MGMT: variants seen among roughly 807,000 people sequenced by gnomAD.
The protein encoded by MGMT is O-6-methylguanine-DNA methyltransferase, also known as methylated-DNA--protein-cysteine methyltransferase.
MGMT carries 14 observed loss-of-function variants against 15.9 expected under a neutral mutation model. The observed-to-expected ratio is 0.88, with a 90% CI of 0.58 to 1.37. MGMT has a LOEUF of 1.37. Ranked by LOEUF, MGMT falls within the 40% of genes most tolerant of loss-of-function variation. The pLI is 0.00. For missense variants in MGMT, 282 were observed against 268.1 expected, an observed-to-expected ratio of 1.05 and a Z score of -0.36; for synonymous variants, 130 against 118.2, an observed-to-expected ratio of 1.10 and a Z score of -0.65.
intron 2 of MGMT, among the ~76,000 whole-genome samples, chr10:129,560,705 A>G (rs1846266483): frequency 6.6e-6 from 1 of 152,232 alleles, no homozygotes; most frequent in South Asian, 2.1e-4. Flanking sequence ...ATTATTAAGC[A>G]GTTAACCAGT....
At chr10:129,657,729 C>CACCCACACACACACA (rs1564750921) in intron 2 of MGMT, among the ~76,000 whole-genome samples, 1 of 122,292 alleles carries the variant, frequency 8.2e-6, no homozygotes, top group Non-Finnish European at 1.7e-5. Flanking sequence ...ACACACACAC[C>CACCCACACACACACA]CCCTCTCCCC....
chr10:129,689,121 G>C (rs1311511689), intron 2 of MGMT, among the ~76,000 whole-genome samples: 1 of 151,984 alleles, frequency 6.6e-6, no homozygotes, highest in Admixed American at 6.6e-5. Flanking sequence ...GTAGAGATGG[G>C]GTTTAGCCAC....
At chr10:129,594,556 C>T (rs1364274021) in intron 2 of MGMT, among the ~76,000 whole-genome samples, 2 of 152,140 alleles carry the variant, frequency 1.3e-5, no homozygotes, top group Non-Finnish European at 2.9e-5. Flanking sequence ...TTTCAAAGGG[C>T]TTTGGATGGA....
chr10:129,562,823 A>G (rs1589867909), intron 2 of MGMT, among the ~76,000 whole-genome samples: 1 of 152,246 alleles, frequency 6.6e-6, no homozygotes, highest in Non-Finnish European at 1.5e-5. Flanking sequence ...AGGAATAAAT[A>G]GGAACACACA....
chr10:129,759,334 G>A lies in MGMT; in HGVS notation c.407G>A (p.Gly136Asp). 6.2e-7 allele frequency: 1 copy of A among 1,614,188 alleles called. No homozygotes were observed. The highest frequency in any genetic ancestry group is 1.1e-5 in the South Asian group (1 of 91,086). Residue 136 changes from glycine to aspartate, a missense_variant, in exon 4 of 5, where the codon GGC becomes GAC. Gly to Asp is a moderately conservative substitution (Grantham distance 94). Coordinates refer to ENST00000651593, the MANE Select transcript of MGMT (RefSeq NM_002412.5). ...AARAVGGAMRGNPVPILIPCH... is the reference protein window; with the variant it reads ...AARAVGGAMRDNPVPILIPCH... ...CGAGCAGTGGGAGGAGCAATGAGAGGCAATCCTGTGAGTTCTCATGGCGCA... is the reference window on the plus strand; with the variant it reads ...CGAGCAGTGGGAGGAGCAATGAGAGACAATCCTGTGAGTTCTCATGGCGCA...
rs557676923 is a variant in MGMT, at chr10:129,531,705, A to G, written c.-12-4536A>G. ...GTTGTCTACCGGAAAAAAAGGTAGT[A>G]TGCAGGTTTCAGTGGCATATCAAAT... On this transcript the variant is annotated intron_variant, in intron 1 of 4. Coordinates refer to ENST00000651593, the MANE Select transcript of MGMT (RefSeq NM_002412.5). 3.1e-4 allele frequency among the ~76,000 whole-genome samples: 45 copies of G among 145,126 alleles called. No homozygotes were observed. The South Asian group carries it at 6.8e-3, about 22-fold the overall frequency.
In MGMT at chr10:129,506,229, G is replaced by A. The variant is rs118065705; in HGVS notation, c.-12-30012G>A. ...GAGGAATTCTCTCTCCTGCAATGTCGGTACTGTCGTGGTTGAGACAGTTCA... is the reference window on the plus strand; with the variant it reads ...GAGGAATTCTCTCTCCTGCAATGTCAGTACTGTCGTGGTTGAGACAGTTCA... On this transcript the variant is annotated intron_variant, in intron 1 of 4. Transcript: ENST00000651593. Among the ~76,000 whole-genome samples, 589 of 152,096 alleles carry A rather than the reference G, an allele frequency of 3.9e-3. 1 individual carries two copies. Among genetic ancestry groups the A allele is most frequent in the Non-Finnish European group, 6.6e-3 (452 of 67,976 alleles).
chr10:129,583,512 ACTTC>A (rs1846581278), intron 2 of MGMT, among the ~76,000 whole-genome samples: 1 of 152,190 alleles, frequency 6.6e-6, no homozygotes, highest in Non-Finnish European at 1.5e-5. Flanking sequence ...AGTGAGGCTG[ACTTC>A]CTTCCTTATC....
intron 3 of MGMT, among the ~76,000 whole-genome samples, chr10:129,754,718 C>T (rs1848786317): frequency 6.6e-6 from 1 of 152,252 alleles, no homozygotes; most frequent in Admixed American, 6.5e-5. Flanking sequence ...GAAGGCATTC[C>T]ATGGCGAGGA....
At chr10:129,468,426 A>G (rs549413119) in intron 1 of MGMT, among the ~76,000 whole-genome samples, 1 of 152,228 alleles carries the variant, frequency 6.6e-6, no homozygotes, top group African/African-American at 2.4e-5. Flanking sequence ...GTAGCAGAGG[A>G]GAGCTGGCCT....
intron 2 of MGMT, among the ~76,000 whole-genome samples, chr10:129,675,108 G>T (rs765486964): frequency 6.6e-6 from 1 of 152,178 alleles, no homozygotes; most frequent in African/African-American, 2.4e-5. Context: ...TGGGGGACCC[G>T]AGGAGGACCT....
At chr10:129,724,660 AAAT>A (rs145611066) in intron 3 of MGMT, among the ~76,000 whole-genome samples, 80,682 of 151,634 alleles carry the variant, frequency 0.53, 21,845 homozygotes, top group Middle Eastern at 0.71. Context: ...AATGCAGCAA[AAAT>A]AATAATAAAA....
chr10:129,704,201 G>C (rs778998684), intron 2 of MGMT, among the ~76,000 whole-genome samples: 1 of 152,096 alleles, frequency 6.6e-6, no homozygotes, highest in Admixed American at 6.5e-5. Flanking sequence ...CCAAGCAGAA[G>C]TTCTCCTTTC....
chr10:129,671,316 G>T (rs1847720037), intron 2 of MGMT, among the ~76,000 whole-genome samples: 1 of 152,166 alleles, frequency 6.6e-6, no homozygotes, highest in Non-Finnish European at 1.5e-5. Flanking sequence ...CTTGAAGTCA[G>T]TCCTGGTAGG....
intron 1 of MGMT, among the ~76,000 whole-genome samples, chr10:129,469,588 G>A (rs1845207542): frequency 6.6e-6 from 1 of 152,070 alleles, no homozygotes; most frequent in African/African-American, 2.4e-5. Flanking sequence ...ACCCTGCAGG[G>A]CCCTGTGCTC....
chr10:129,536,525 T>A lies in MGMT; in HGVS notation c.125+148T>A, dbSNP rs10734087. Reference sequence around the variant, plus strand: ...ACCACGAGTCCGTCTCTCAAAACAGTGTGCTGCGACGGCTCCTGCATTTGC... The same window carrying A: ...ACCACGAGTCCGTCTCTCAAAACAGAGTGCTGCGACGGCTCCTGCATTTGC... On this transcript the variant is annotated intron_variant, in intron 2 of 4. Coordinates refer to ENST00000651593, the MANE Select transcript of MGMT (RefSeq NM_002412.5). The A allele has an allele frequency of 8.2e-6, 8 of 979,836 alleles. No individual in the cohort carries two copies. In the African/African-American group the frequency reaches 9.9e-5, roughly 12 times the overall value. 60.7% of individuals were successfully genotyped at this position (979,836 alleles called of 1,614,324 possible).
chr10:129,523,934 C>T (rs1403804279), intron 1 of MGMT, among the ~76,000 whole-genome samples: 1 of 152,190 alleles, frequency 6.6e-6, no homozygotes, highest in African/African-American at 2.4e-5. Context: ...TGGCGGGGTC[C>T]CAGCCTCTTG....
At chr10:129,615,929 G>A (rs1847020432) in intron 2 of MGMT, among the ~76,000 whole-genome samples, 1 of 152,276 alleles carries the variant, frequency 6.6e-6, no homozygotes, top group Admixed American at 6.5e-5. Context: ...TCCCCAAGCT[G>A]GGGAGCAAGG....
At chr10:129,525,928 C>T (rs534097846) in intron 1 of MGMT, among the ~76,000 whole-genome samples, 110 of 152,304 alleles carry the variant, frequency 7.2e-4, no homozygotes, top group Non-Finnish European at 1.1e-3. Context: ...TTGGGAACGC[C>T]GTTTGGATCC....
Sources: gnomAD v4.1 joint callset for allele counts (sites outside exome capture counted in the v4.1 genomes callset) on GRCh38, gnomAD v4.1.1 for gene constraint, MANE v1.5 for transcripts, NCBI Gene and HGNC (gene_info 2026-07-23, HGNC 2026-07-21) for gene names.